SEMA3D: variants seen among roughly 807,000 people sequenced by gnomAD.
The protein encoded by SEMA3D is semaphorin-3D.
A neutral mutation model predicts 100.1 loss-of-function variants in SEMA3D; 84 were observed. The ratio of observed to expected loss-of-function variants is 0.84; its 90% CI spans 0.70 to 1.01. The LOEUF is 1.01. Among genes scored for constraint, SEMA3D ranks in the 50% least tolerant of loss-of-function variants. SEMA3D has a pLI of 0.00. For missense variants in SEMA3D, 875 were observed against 934.1 expected, an observed-to-expected ratio of 0.94 and a Z score of 0.82; for synonymous variants, 312 against 320.7, an observed-to-expected ratio of 0.97 and a Z score of 0.29.
chr7:85,142,230 C>A (rs566718482), intron 2 of SEMA3D: 1 of 979,830 alleles, frequency 1.0e-6, no homozygotes, highest in Middle Eastern at 5.2e-4. Flanking sequence ...TTTGAGATAT[C>A]ATCTCTCTAC....
intron 1 of SEMA3D, among the ~76,000 whole-genome samples, chr7:85,177,769 A>G (rs1346826700): frequency 6.6e-6 from 1 of 152,314 alleles, no homozygotes; most frequent in East Asian, 1.9e-4. Flanking sequence ...TTATGATAGT[A>G]TTTATTATAA....
chr7:85,068,831 C>T (rs1791696349), intron 6 of SEMA3D, among the ~76,000 whole-genome samples: 1 of 151,932 alleles, frequency 6.6e-6, no homozygotes, highest in Non-Finnish European at 1.5e-5. Context: ...ATCTGGGTAA[C>T]AAAAAAATCC....
chr7:85,045,696 A>C (rs1790988453), intron 9 of SEMA3D, among the ~76,000 whole-genome samples: 1 of 151,938 alleles, frequency 6.6e-6, no homozygotes, highest in African/African-American at 2.4e-5. Flanking sequence ...CTCCTAATGT[A>C]ACAATGAGTT....
At chr7:85,108,050 T>G (rs952398837) in intron 3 of SEMA3D, among the ~76,000 whole-genome samples, 1 of 152,052 alleles carries the variant, frequency 6.6e-6, no homozygotes, top group Admixed American at 6.6e-5. Context: ...TTAAACTTCC[T>G]CCAGTGCTCA....
chr7:85,183,291 T>C (rs1185992064), intron 1 of SEMA3D, among the ~76,000 whole-genome samples: 1 of 152,188 alleles, frequency 6.6e-6, no homozygotes, highest in East Asian at 1.9e-4. Context: ...ATCCATGCAA[T>C]GGATTGAGAG....
chr7:85,225,105 T>TATATAC, the SEMA3D span, among the ~76,000 whole-genome samples: 4 of 18,212 alleles, frequency 2.2e-4, no homozygotes, highest in African/African-American at 4.2e-4. Context: ...TATATATATA[T>TATATAC]ACATACATAT....
chr7:85,046,595 A>G (rs188109432), intron 9 of SEMA3D, among the ~76,000 whole-genome samples: 1 of 152,006 alleles, frequency 6.6e-6, no homozygotes, highest in African/African-American at 2.4e-5. Flanking sequence ...ATGGATTATA[A>G]GCATTTAATG....
chr7:85,134,235 TA>T (rs113562333), intron 2 of SEMA3D, among the ~76,000 whole-genome samples: 2,750 of 152,002 alleles, frequency 0.018, 74 homozygotes, highest in African/African-American at 0.062. Flanking sequence ...GAATGAAAAA[TA>T]TTTTTTTAGA....
At chr7:85,025,384 T>A (rs1790364889) in intron 12 of SEMA3D, among the ~76,000 whole-genome samples, 1 of 151,986 alleles carries the variant, frequency 6.6e-6, no homozygotes, top group African/African-American at 2.4e-5. Context: ...CCAGCCCTGG[T>A]TCAGGGCCTA....
At chr7:85,189,992 G>T (rs1791657922), upstream of SEMA3D, among the ~76,000 whole-genome samples, 1 of 152,122 alleles carries the variant, frequency 6.6e-6, no homozygotes, top group Non-Finnish European at 1.5e-5. Flanking sequence ...GGTTAGGGTA[G>T]AATAGACATA....
chr7:85,215,833 T>C, the SEMA3D span, among the ~76,000 whole-genome samples: 1 of 152,106 alleles, frequency 6.6e-6, no homozygotes, highest in Non-Finnish European at 1.5e-5. Context: ...CAAATTACTT[T>C]CATAGCCTTT....
intron 9 of SEMA3D, among the ~76,000 whole-genome samples, chr7:85,045,191 G>A (rs1346007133): frequency 2.0e-5 from 3 of 152,004 alleles, no homozygotes; most frequent in South Asian, 2.1e-4. Context: ...AGGACAATGG[G>A]TGGAACAATC....
At chr7:85,101,365 C>A (rs545626001) in intron 3 of SEMA3D, among the ~76,000 whole-genome samples, 132 of 152,076 alleles carry the variant, frequency 8.7e-4, no homozygotes, top group Non-Finnish European at 1.7e-3. Context: ...TTATTTTGAA[C>A]CATGCATTGC....
At chr7:85,007,985 A>G (rs1789846654) in intron 17 of SEMA3D, among the ~76,000 whole-genome samples, 1 of 151,842 alleles carries the variant, frequency 6.6e-6, no homozygotes, top group African/African-American at 2.4e-5. Flanking sequence ...TGACACCATT[A>G]TGAATTAACC....
At chr7:85,015,315 C>A (rs754960600) in intron 15 of SEMA3D, 99 bp from the exon 16 acceptor site, 1 of 1,130,392 alleles carries the variant, frequency 8.8e-7, no homozygotes. Flanking sequence ...AAATCTGTTT[C>A]TCTGGGTGTC....
chr7:85,249,005 G>T, the SEMA3D span, among the ~76,000 whole-genome samples: 1 of 152,142 alleles, frequency 6.6e-6, no homozygotes, highest in Non-Finnish European at 1.5e-5. Context: ...TGTCAATGTA[G>T]TTTAATTAGT....
At chr7:85,203,858 T>A in the SEMA3D span, among the ~76,000 whole-genome samples, 1 of 152,042 alleles carries the variant, frequency 6.6e-6, no homozygotes, top group Admixed American at 6.6e-5. Context: ...ATATCAATGC[T>A]TTTCTCTTTC....
rs1029051983 is a variant in SEMA3D, at chr7:84,995,744, A to G, written c.*3696T>C. ...TACATGATTAACTAGGGCATCTGACACATTTTGCCCTTTCCCAAAAATCAT... is the reference window on the plus strand; with the variant it reads ...TACATGATTAACTAGGGCATCTGACGCATTTTGCCCTTTCCCAAAAATCAT... On this transcript the variant is annotated 3_prime_UTR_variant, in exon 19 of 19. Coordinates refer to ENST00000284136, the MANE Select transcript of SEMA3D (RefSeq NM_001384900.1). The G allele has an allele frequency of 1.2e-4, 19 of 152,068 alleles. No homozygotes were observed. The highest frequency in any genetic ancestry group is 4.6e-4 in the African/African-American group (19 of 41,450). 9.4% of individuals were successfully genotyped at this position (152,068 alleles called of 1,614,324 possible).
chr7:85,249,001 T>C, the SEMA3D span, among the ~76,000 whole-genome samples: 2 of 152,178 alleles, frequency 1.3e-5, no homozygotes, highest in African/African-American at 4.8e-5. Flanking sequence ...AATCTGTCAA[T>C]GTAGTTTAAT....
Sources: allele counts gnomAD v4.1 joint callset (sites outside exome capture counted in the v4.1 genomes callset), GRCh38; gene constraint gnomAD v4.1.1; transcripts MANE v1.5; gene names NCBI Gene and HGNC (gene_info 2026-07-23, HGNC 2026-07-21).